LRRC15: variants seen among roughly 807,000 people sequenced by gnomAD.
The protein encoded by LRRC15 is leucine-rich repeat-containing protein 15.
Under a neutral mutation model 4.3 loss-of-function variants are expected in LRRC15, and 5 were observed. That is an observed-to-expected ratio of 1.16 (90% confidence interval 0.61 to 2.44). LRRC15 has a LOEUF of 2.44. LRRC15 is among the 30% of genes most tolerant of loss of function. The pLI is 0.01. For missense variants in LRRC15, 769 were observed against 747.0 expected, an observed-to-expected ratio of 1.03 and a Z score of -0.34; for synonymous variants, 337 against 323.2, an observed-to-expected ratio of 1.04 and a Z score of -0.46.
chr3:194,363,745 A>G (rs1713701326), intron 1 of LRRC15, among the ~76,000 whole-genome samples: 3 of 152,220 alleles, frequency 2.0e-5, no homozygotes, highest in South Asian at 4.1e-4. Context: ...TTCCTAAAGA[A>G]TTCTAGAGGA....
chr3:194,363,237 C>T (rs1560046964), intron 1 of LRRC15: 1 of 534,552 alleles, frequency 1.9e-6, no homozygotes, highest in Admixed American at 3.4e-5. Flanking sequence ...CCGTGCCCGG[C>T]CAAGACCTTG....
chr3:194,359,203 G>A lies in LRRC15; in HGVS notation c.*95C>T, dbSNP rs777616695. The A allele has an allele frequency of 2.3e-5, 27 of 1,198,730 alleles. No homozygotes were observed. Among genetic ancestry groups the A allele is most frequent in the South Asian group, 3.0e-5 (2 of 65,636 alleles). The allele number at this position is 1,198,730 out of a possible 1,614,324, so 74.3% of individuals were successfully genotyped here. A position where few individuals can be genotyped will look rare whatever the true frequency, so the allele number is the denominator to read the frequency against. ...CTCTGGGGCCAGAAAGAGCAATCAC[G>A]GGAAAGCTCCATGGACCCAGGGGTG... On this transcript the variant is annotated 3_prime_UTR_variant, in exon 2 of 2. Coordinates refer to ENST00000347624, the MANE Select transcript of LRRC15 (RefSeq NM_130830.5).
chr3:194,367,853 G>T (rs1713826175), intron 1 of LRRC15, among the ~76,000 whole-genome samples: 1 of 152,266 alleles, frequency 6.6e-6, no homozygotes, highest in African/African-American at 2.4e-5. Context: ...TTTGAAAACA[G>T]AAAATCAGTT....
Position 194,360,736 on chromosome 3 carries a change from A to G in LRRC15, c.308T>C (p.Leu103Pro), listed in dbSNP as rs1392716458. Residue 103 changes from leucine (L) to proline (P), a missense_variant, in exon 2 of 2, where the codon CTG becomes CCG. Coordinates refer to ENST00000347624, the MANE Select transcript of LRRC15 (RefSeq NM_130830.5). ...GTTGTTGGCGAGGCTGAGATAGCGC[A>G]GCGAGCCCAGGTTTCGGAAGGCCCC... is the stretch of plus-strand genomic sequence containing the variant. ...TPGAFRNLGS[L>P]RYLSLANNKL... The G allele has an allele frequency of 6.2e-7, 1 of 1,614,222 alleles. No individual in the cohort carries two copies. Among genetic ancestry groups the G allele is most frequent in the South Asian group, 1.1e-5 (1 of 91,088 alleles).
chr3:194,367,432 G>A (rs1318427191), intron 1 of LRRC15, among the ~76,000 whole-genome samples: 2 of 151,886 alleles, frequency 1.3e-5, no homozygotes, highest in East Asian at 1.9e-4. Context: ...TCAGCCTCCC[G>A]AGTAGCTGGG....
chr3:194,360,801 G>A lies in LRRC15; in HGVS notation c.243C>T (p.Ala81=), dbSNP rs1323663730. Residue 81 remains alanine, a synonymous_variant, in exon 2 of 2, where the codon GCC becomes GCT. Coordinates refer to ENST00000347624, the MANE Select transcript of LRRC15 (RefSeq NM_130830.5). The stretch of plus-strand genomic sequence containing the variant: ...ACAGCTCATTCTTCTCAATCCTCAG[G>A]GCGATGAGGGCTGAGATATTGAGGA... ...SPFLNISALI[A]LRIEKNELSR... is the part of the protein sequence containing the mutation. The A allele has an allele frequency of 8.1e-6, 13 of 1,614,226 alleles. No individual in the cohort carries two copies. Among genetic ancestry groups the A allele is most frequent in the Middle Eastern group, 3.3e-4 (2 of 6,062 alleles).
At chr3:194,364,274 G>A (rs1220157473) in intron 1 of LRRC15, among the ~76,000 whole-genome samples, 9 of 152,230 alleles carry the variant, frequency 5.9e-5, no homozygotes, top group Admixed American at 3.3e-4. Flanking sequence ...AGGGGTCTGC[G>A]TGGACAGTGT....
In LRRC15 at chr3:194,360,975, A is replaced by G. The variant is rs754099765; in HGVS notation, c.69T>C (p.His23=). 2.6e-6 allele frequency: 4 copies of G among 1,561,322 alleles called. No homozygotes were observed. Among genetic ancestry groups the G allele is most frequent in the African/African-American group, 1.4e-5 (1 of 74,048 alleles). The change falls in exon 2 of 2, where the codon CAT becomes CAC. Residue 23 remains histidine, a synonymous_variant. Coordinates refer to ENST00000347624, the MANE Select transcript of LRRC15 (RefSeq NM_130830.5). ...AGCAGGTACACTCGCTAGGGCAGCC[A>G]TGGTAGGCCAACCCTGCACCCCAGG... ...CQAWGAGLAY[H]GCPSECTCSR...
rs188015245 is a variant in LRRC15, at chr3:194,359,880, G to A, written c.1164C>T (p.Val388=). The A allele has an allele frequency of 5.6e-6, 9 of 1,614,188 alleles. No individual in the cohort carries two copies. In the Admixed American group the frequency reaches 1.3e-4, roughly 24 times the overall value. The change falls in exon 2 of 2, where the codon GTC becomes GTT. Residue 388 remains valine, a synonymous_variant. Coordinates refer to ENST00000347624, the MANE Select transcript of LRRC15 (RefSeq NM_130830.5). ...GCAGCTGGATGGCCATGAGGCCATT[G>A]ACGTTGGCGAAGATATTCCCTGGGA... ...RQLPGNIFAN[V]NGLMAIQLQN...
rs187729471 is a variant in LRRC15, at chr3:194,367,553, G to A, written c.-4+2108C>T. On this transcript the variant is annotated intron_variant, in intron 1 of 1. Coordinates refer to ENST00000347624, the MANE Select transcript of LRRC15 (RefSeq NM_130830.5). ...GATCTCCTGACCTCATGATCCTCCCGCCTCGGCCTCCCAAAGTGCTGAGAT... is the reference window on the plus strand; with the variant it reads ...GATCTCCTGACCTCATGATCCTCCCACCTCGGCCTCCCAAAGTGCTGAGAT... Among the ~76,000 whole-genome samples the A allele has an allele frequency of 1.2e-3, 183 of 152,240 alleles. 2 individuals carry two copies. In the East Asian group the frequency reaches 0.024, roughly 20 times the overall value.
At chr3:194,366,523 G>A (rs1713784139) in intron 1 of LRRC15, among the ~76,000 whole-genome samples, 1 of 152,166 alleles carries the variant, frequency 6.6e-6, no homozygotes, top group African/African-American at 2.4e-5. Context: ...AACACCACGT[G>A]AGGTCTAGAC....
chr3:194,367,635 C>A (rs1348760928), intron 1 of LRRC15, among the ~76,000 whole-genome samples: 1 of 152,194 alleles, frequency 6.6e-6, no homozygotes, highest in Non-Finnish European at 1.5e-5. Context: ...GGGACAGCTG[C>A]ACCTTTACCT....
At chr3:194,365,231 G>A (rs369808770) in intron 1 of LRRC15, among the ~76,000 whole-genome samples, 1 of 152,210 alleles carries the variant, frequency 6.6e-6, no homozygotes, top group African/African-American at 2.4e-5. Flanking sequence ...CAGACAAACC[G>A]AAGGACAGCC....
chr3:194,368,384 ACTGT>A (rs1279561579), intron 1 of LRRC15, among the ~76,000 whole-genome samples: 14 of 151,936 alleles, frequency 9.2e-5, no homozygotes, highest in African/African-American at 3.4e-4. Context: ...CCATGACCTG[ACTGT>A]CTGTCGAATC....
chr3:194,365,265 A>AGCAGATG (rs1713743439), intron 1 of LRRC15, among the ~76,000 whole-genome samples: 1 of 152,140 alleles, frequency 6.6e-6, no homozygotes, highest in Non-Finnish European at 1.5e-5. Context: ...GGGCGCTCTG[A>AGCAGATG]TGCATTCCCT....
chr3:194,360,321 G>A lies in LRRC15; in HGVS notation c.723C>T (p.Phe241=). The change falls in exon 2 of 2, where the codon TTC becomes TTT. Residue 241 remains phenylalanine, a synonymous_variant. Transcript: ENST00000347624. ...GTCTCTGGAGGTTGTGGTTGTTGTG[G>A]AAGAGACCAGGGGAGAGCAGTCCAA... ...NQIGLLSPGL[F]HNNHNLQRLY... is the part of the protein sequence containing the mutation. 3 of 1,614,140 alleles carry A rather than the reference G, an allele frequency of 1.9e-6. No individual in the cohort carries two copies. The highest frequency in any genetic ancestry group is 2.5e-6 in the Non-Finnish European group (3 of 1,180,022).
chr3:194,360,083 C>A lies in LRRC15; in HGVS notation c.961G>T (p.Val321Phe), dbSNP rs554414445. The change falls in exon 2 of 2, where the codon GTC becomes TTC. Residue 321 changes from valine to phenylalanine, a missense_variant. By Grantham distance (50) the Val-to-Phe change is conservative. Coordinates refer to ENST00000347624, the MANE Select transcript of LRRC15 (RefSeq NM_130830.5). ...ATCTGATTGCGGCTAAGAATCAGGA[C>A]CTGCAACTGGCGGAGGTTGCTGAAG... Reference protein sequence around the residue: ...NVFSNLRQLQVLILSRNQISF... With the variant: ...NVFSNLRQLQFLILSRNQISF... 5.0e-6 allele frequency: 8 copies of A among 1,614,190 alleles called. No individual in the cohort carries two copies. In the African/African-American group the frequency reaches 1.1e-4, roughly 22 times the overall value.
At chr3:194,364,553 C>T (rs1713722404) in intron 1 of LRRC15, among the ~76,000 whole-genome samples, 2 of 152,072 alleles carry the variant, frequency 1.3e-5, no homozygotes, top group Non-Finnish European at 2.9e-5. Context: ...CTCTGAGGAC[C>T]CATCTTTATG....
chr3:194,367,467 C>T (rs1334095762), intron 1 of LRRC15, among the ~76,000 whole-genome samples: 7 of 152,162 alleles, frequency 4.6e-5, no homozygotes, highest in Non-Finnish European at 7.4e-5. Context: ...CCACCACACC[C>T]GGCTAATTTT....
Sources: allele counts gnomAD v4.1 joint callset (sites outside exome capture counted in the v4.1 genomes callset), GRCh38; gene constraint gnomAD v4.1.1; transcripts MANE v1.5; gene names NCBI Gene and HGNC (gene_info 2026-07-23, HGNC 2026-07-21).